Variants in TOMM40 observed in about 807,000 individuals in gnomAD.
TOMM40 encodes translocase of outer mitochondrial membrane 40, also known as mitochondrial import receptor subunit TOM40 homolog.
Under a neutral mutation model 38.4 loss-of-function variants are expected in TOMM40, and 9 were observed. That is an observed-to-expected ratio of 0.23 (90% CI 0.14 to 0.41). The LOEUF is 0.41. TOMM40 is among the 10% of genes least tolerant of loss of function. TOMM40 has a pLI of 1.00. For synonymous variants in TOMM40, 184 were observed against 210.0 expected (o/e 0.88, Z 1.07); for missense variants, 299 against 486.5 (o/e 0.61, Z 3.63).
intron 3 of TOMM40, 106 bp downstream of exon 3, chr19:44,893,035 G>C: frequency 2.3e-6 from 2 of 865,022 alleles, no homozygotes; most frequent in Admixed American, 5.1e-5. Context: ...GCTACCGAGA[G>C]CCTGGAGATG....
chr19:44,893,360 A>G (rs963727468), intron 3 of TOMM40, among the ~76,000 whole-genome samples: 12 of 152,204 alleles, frequency 7.9e-5, no homozygotes, highest in African/African-American at 2.9e-4. Flanking sequence ...TGGGGTGGCC[A>G]TGTGGGGGCT....
chr19:44,899,851 C>T (rs1292013396), intron 5 of TOMM40, among the ~76,000 whole-genome samples: 4 of 134,878 alleles, frequency 3.0e-5, no homozygotes, highest in Non-Finnish European at 6.1e-5. Context: ...CCATGTTGCC[C>T]GGGCTGGCTT....
At chr19:44,894,853 G>A (rs1599937973) in intron 5 of TOMM40, among the ~76,000 whole-genome samples, 3 of 152,314 alleles carry the variant, frequency 2.0e-5, no homozygotes, top group Admixed American at 2.0e-4. Flanking sequence ...TGAGTCTGGG[G>A]CTTTCGGAAA....
intron 3 of TOMM40, 73 bp downstream of exon 3, chr19:44,893,002 G>T (rs897284030): frequency 7.7e-7 from 1 of 1,302,100 alleles, no homozygotes; most frequent in Non-Finnish European, 1.1e-6. Context: ...AAGCTAAGAC[G>T]GCCTCATCAG....
intron 5 of TOMM40, among the ~76,000 whole-genome samples, chr19:44,897,388 A>G (rs1405326954): frequency 6.6e-6 from 1 of 152,094 alleles, no homozygotes; most frequent in Non-Finnish European, 1.5e-5. Flanking sequence ...CCTTGATTGA[A>G]TGAGGGGATA....
At chr19:44,902,715 G>A (rs537652064) in intron 8 of TOMM40, 74 of 240,104 alleles carry the variant, frequency 3.1e-4, no homozygotes, top group African/African-American at 1.4e-3. Flanking sequence ...GGGCCACAGC[G>A]GTGACCAGCC....
intron 8 of TOMM40, chr19:44,902,653 T>C (rs1238193849): frequency 6.0e-6 from 1 of 167,662 alleles, no homozygotes; most frequent in Non-Finnish European, 1.3e-5. Context: ...TCTTCTTGGA[T>C]ATCTGTGGCT....
chr19:44,897,491 T>A (rs552133974), intron 5 of TOMM40, among the ~76,000 whole-genome samples: 46 of 152,226 alleles, frequency 3.0e-4, no homozygotes, highest in African/African-American at 1.0e-3. Context: ...CAGTCTCTGT[T>A]GCCCAGGCCA....
At chr19:44,896,157 G>GA (rs1320986796) in intron 5 of TOMM40, among the ~76,000 whole-genome samples, 2 of 152,122 alleles carry the variant, frequency 1.3e-5, no homozygotes, top group Non-Finnish European at 2.9e-5. Flanking sequence ...TGGCCTCCTG[G>GA]AGCCCAGGGC....
At chr19:44,899,444 C>T (rs559394419) in intron 5 of TOMM40, among the ~76,000 whole-genome samples, 25 of 152,200 alleles carry the variant, frequency 1.6e-4, no homozygotes, top group Admixed American at 6.5e-4. Context: ...AGCAATCCTC[C>T]CACGTCCACC....
Position 44,891,294 on chromosome 19 carries a change from C to G in TOMM40, c.-122C>G, listed in dbSNP as rs1969455349. The G allele has an allele frequency of 8.4e-7, 1 of 1,191,698 alleles. No individual in the cohort carries two copies. The highest frequency in any genetic ancestry group is 1.6e-5 in the African/African-American group (1 of 62,770). 73.8% of individuals were successfully genotyped at this position (1,191,698 alleles called of 1,614,324 possible). On this transcript the variant is annotated 5_prime_UTR_variant, in exon 1 of 9. Transcript: ENST00000426677. The stretch of plus-strand genomic sequence containing the variant: ...CACGGGGTGGGAGCGGAGCCCAGGC[C>G]GGGAGCAGGCGCCGCCGCCAGTGAG...
At position 44,897,470 on chromosome 19, in the gene TOMM40, G is replaced by A. The variant is rs562546026; in HGVS notation, c.644-3260G>A. Among the ~76,000 whole-genome samples, 5 of 151,986 alleles carry A rather than the reference G, an allele frequency of 3.3e-5. No homozygotes were observed. The East Asian group carries it at 9.8e-4, about 30-fold the overall frequency. On this transcript the variant is annotated intron_variant, in intron 5 of 8. Coordinates refer to ENST00000426677, the MANE Select transcript of TOMM40 (RefSeq NM_001128917.2). ...CCCCTGCCCCACCTCACATACCTCT[G>A]CCCTGAGACGCAGTCTCTGTTGCCC...
chr19:44,902,920 G>GT (rs1969709991), intron 8 of TOMM40, 110 bp from the exon 9 acceptor site: 3 of 1,428,304 alleles, frequency 2.1e-6, no homozygotes, highest in Non-Finnish European at 2.8e-6. Flanking sequence ...GAGCAGTGTG[G>GT]TTAAAGGTCT....
intron 5 of TOMM40, among the ~76,000 whole-genome samples, chr19:44,899,477 G>T (rs1969635707): frequency 6.6e-6 from 1 of 152,032 alleles, no homozygotes; most frequent in East Asian, 1.9e-4. Flanking sequence ...GGGACTACAG[G>T]TGTGCACCAC....
intron 5 of TOMM40, among the ~76,000 whole-genome samples, chr19:44,897,307 G>GA (rs1462785072): frequency 6.6e-6 from 1 of 152,126 alleles, no homozygotes; most frequent in Non-Finnish European, 1.5e-5. Context: ...ACAGTCCCTG[G>GA]AACTCAGAGG....
Position 44,903,356 on chromosome 19 carries a change from C to T in TOMM40, c.*187C>T, listed in dbSNP as rs150051713. On this transcript the variant is annotated 3_prime_UTR_variant, in exon 9 of 9. Coordinates refer to ENST00000426677, the MANE Select transcript of TOMM40 (RefSeq NM_001128917.2). ...GGGATTCTGGAACTGAATGGCGCTTCGGGATTCTGAGTAGCAGGGGCAGCA... is the reference window on the plus strand; with the variant it reads ...GGGATTCTGGAACTGAATGGCGCTTTGGGATTCTGAGTAGCAGGGGCAGCA... The T allele has an allele frequency of 4.6e-4, 283 of 611,452 alleles. 1 individual carries two copies. The highest frequency in any genetic ancestry group is 4.0e-3 in the African/African-American group (211 of 52,538). 37.9% of individuals were successfully genotyped at this position (611,452 alleles called of 1,614,324 possible).
At position 44,900,718 on chromosome 19, in the gene TOMM40, T is replaced by G; in HGVS notation, c.644-12T>G. On this transcript the variant is annotated splice_polypyrimidine_tract_variant and intron_variant, in intron 5 of 8. Transcript: ENST00000426677. ...CAGGGTGGGTGGAAACTGATCGTCA[T>G]TTTGCCCACAGGAATCCTCGTAGCC... 6.2e-7 allele frequency: 1 copy of G among 1,611,992 alleles called. No homozygotes were observed.
intron 3 of TOMM40, among the ~76,000 whole-genome samples, chr19:44,893,402 G>A (rs1969505118): frequency 6.6e-6 from 1 of 152,230 alleles, no homozygotes; most frequent in South Asian, 2.1e-4. Context: ...TGGAGGCCCA[G>A]ACAGGGTTGG....
In TOMM40 at chr19:44,901,037, G is replaced by A; in HGVS notation, c.776G>A (p.Trp259Ter). The change falls in exon 7 of 9, where the codon TGG (tryptophan) becomes TAG (stop). Residue 259 changes from tryptophan to a stop codon, truncating the protein, a stop_gained. Transcript: ENST00000426677. LOFTEE classifies it high-confidence loss of function. ...CCCCACTCTCTGACAGTGAACAACT[G>A]GTTGGCAACGGTAACGTTGGGCCAG... is the stretch of plus-strand genomic sequence containing the variant. ...SLAGKYTLNN[W>*]LATVTLGQAG... is the part of the protein sequence containing the mutation. The A allele has an allele frequency of 1.2e-6, 2 of 1,614,214 alleles. No individual in the cohort carries two copies. Among genetic ancestry groups the A allele is most frequent in the Non-Finnish European group, 1.7e-6 (2 of 1,180,038 alleles).
Sources: gnomAD v4.1 joint callset for allele counts (sites outside exome capture counted in the v4.1 genomes callset) on GRCh38, gnomAD v4.1.1 for gene constraint, MANE v1.5 for transcripts, NCBI Gene and HGNC (gene_info 2026-07-23, HGNC 2026-07-21) for gene names.